Variants in KCNB2 observed in about 807,000 individuals in gnomAD.
KCNB2 encodes the protein delayed rectifier potassium channel protein.
In KCNB2, 15 loss-of-function variants were observed where a neutral mutation model predicts 61.5. The observed-to-expected ratio is 0.24, with a 90% CI of 0.16 to 0.38. The LOEUF (loss-of-function observed/expected upper bound fraction) is 0.38. Ranked by LOEUF, KCNB2 falls within the 10% of genes least tolerant of loss-of-function variation. The pLI, the probability that KCNB2 is intolerant of heterozygous loss-of-function variation, is 1.00. For synonymous variants in KCNB2, 457 were observed against 446.0 expected (o/e 1.02, Z -0.31); for missense variants, 828 against 1,125.2 (o/e 0.74, Z 3.78).
chr8:72,886,504 C>T (rs1384613870), intron 2 of KCNB2, among the ~76,000 whole-genome samples: 4 of 152,202 alleles, frequency 2.6e-5, no homozygotes, highest in Admixed American at 2.0e-4. Flanking sequence ...TCTGTCTCCC[C>T]CAAGGAGTTA....
At chr8:72,855,650 A>G (rs545646103) in intron 2 of KCNB2, among the ~76,000 whole-genome samples, 1 of 152,254 alleles carries the variant, frequency 6.6e-6, no homozygotes, top group South Asian at 2.1e-4. Context: ...TTTTTTCTAT[A>G]TCTCCAAGGA....
intron 2 of KCNB2, among the ~76,000 whole-genome samples, chr8:72,746,836 C>G (rs950482050): frequency 6.6e-6 from 1 of 152,124 alleles, no homozygotes; most frequent in African/African-American, 2.4e-5. Context: ...AGTGAGTAGA[C>G]CAACCATCCA....
intron 2 of KCNB2, among the ~76,000 whole-genome samples, chr8:72,740,320 G>A (rs1391249818): frequency 6.6e-6 from 1 of 152,104 alleles, no homozygotes; most frequent in African/African-American, 2.4e-5. Context: ...TATGGCTAGG[G>A]GATATAAACA....
intron 2 of KCNB2, among the ~76,000 whole-genome samples, chr8:72,872,434 A>T (rs1489118047): frequency 6.6e-6 from 1 of 151,926 alleles, no homozygotes; most frequent in Non-Finnish European, 1.5e-5. Flanking sequence ...CTTCCCCATC[A>T]CTTCTAATGT....
chr8:72,721,401 T>C (rs1409028528), intron 2 of KCNB2, among the ~76,000 whole-genome samples: 1 of 152,268 alleles, frequency 6.6e-6, no homozygotes, highest in Non-Finnish European at 1.5e-5. Context: ...ACCTCTTCTC[T>C]TTATTCCAGC....
At chr8:72,630,663 A>G (rs769292254) in intron 2 of KCNB2, among the ~76,000 whole-genome samples, 2 of 152,192 alleles carry the variant, frequency 1.3e-5, no homozygotes, top group Non-Finnish European at 2.9e-5. Context: ...TGACCTTACT[A>G]ATACTGATTT....
In KCNB2 at chr8:72,820,845, C is replaced by T. The variant is rs1809485696; in HGVS notation, c.580-115090C>T. 2.0e-5 allele frequency among the ~76,000 whole-genome samples: 3 copies of T among 152,144 alleles called. No homozygotes were observed. The South Asian group carries it at 6.2e-4, about 31-fold the overall frequency. On this transcript the variant is annotated intron_variant, in intron 2 of 2. Coordinates refer to ENST00000523207, the MANE Select transcript of KCNB2 (RefSeq NM_004770.3). Reference sequence around the variant, plus strand: ...TCATTCAGACAGAATCATCCTATTTCCATAAGTTCACTGGTTCTGCTAGTG... The same window carrying T: ...TCATTCAGACAGAATCATCCTATTTTCATAAGTTCACTGGTTCTGCTAGTG...
chr8:72,839,512 G>A (rs993859675), intron 2 of KCNB2, among the ~76,000 whole-genome samples: 2 of 151,354 alleles, frequency 1.3e-5, no homozygotes, highest in African/African-American at 2.4e-5. Context: ...ATTCCTACAG[G>A]TGCTATAGAA....
At chr8:72,557,055 A>T (rs540701164) in intron 1 of KCNB2, among the ~76,000 whole-genome samples, 53 of 152,226 alleles carry the variant, frequency 3.5e-4, no homozygotes, top group African/African-American at 1.2e-3. Context: ...CCCTGCTCTC[A>T]TGACCTAATC....
At chr8:72,606,425 G>A (rs1450685424) in intron 2 of KCNB2, among the ~76,000 whole-genome samples, 2 of 152,152 alleles carry the variant, frequency 1.3e-5, no homozygotes, top group African/African-American at 4.8e-5. Flanking sequence ...TTAAAAATGG[G>A]AAATGCATCA....
chr8:72,713,437 G>A (rs564828853), intron 2 of KCNB2, among the ~76,000 whole-genome samples: 128 of 152,218 alleles, frequency 8.4e-4, no homozygotes, highest in Non-Finnish European at 1.5e-3. Flanking sequence ...CACCTCACAC[G>A]GCCAGGTACT....
In KCNB2 at chr8:72,667,617, A is replaced by G. The variant is rs189764207; in HGVS notation, c.579+99304A>G. 4.6e-4 allele frequency among the ~76,000 whole-genome samples: 70 copies of G among 152,054 alleles called. 1 individual carries two copies. The highest frequency in any genetic ancestry group is 2.1e-3 in the Admixed American group (32 of 15,260). On this transcript the variant is annotated intron_variant, in intron 2 of 2. Transcript: ENST00000523207. ...CCCACTACCAAATTCTGCTTCCTCCATATCAGTATATATCTCAGATCTGCC... is the reference window on the plus strand; with the variant it reads ...CCCACTACCAAATTCTGCTTCCTCCGTATCAGTATATATCTCAGATCTGCC...
chr8:72,891,764 G>T (rs1477851481), intron 2 of KCNB2, among the ~76,000 whole-genome samples: 1 of 152,128 alleles, frequency 6.6e-6, no homozygotes, highest in African/African-American at 2.4e-5. Context: ...GATGCTTCAG[G>T]CTAATCTAAA....
Position 72,540,191 on chromosome 8 carries a change from T to A in KCNB2, c.-94+2306T>A, listed in dbSNP as rs1489803129. On this transcript the variant is annotated intron_variant, in intron 1 of 2. Coordinates refer to ENST00000523207, the MANE Select transcript of KCNB2 (RefSeq NM_004770.3). ...ATCTAGGAAACCTATAAGATATATT[T>A]CATTCTGCCCTAATGCATTTTTTTC... 3.3e-5 allele frequency among the ~76,000 whole-genome samples: 5 copies of A among 152,212 alleles called. No individual in the cohort carries two copies. In the East Asian group the frequency reaches 9.6e-4, roughly 29 times the overall value.
intron 2 of KCNB2, among the ~76,000 whole-genome samples, chr8:72,659,965 G>A (rs1806352972): frequency 6.6e-6 from 1 of 152,140 alleles, no homozygotes; most frequent in Non-Finnish European, 1.5e-5. Context: ...AACCTGCAAT[G>A]TCTCCAAGGT....
In KCNB2 at chr8:72,568,145, C is replaced by T; in HGVS notation, c.411C>T (p.Cys137=). ...ATGAGATCTACTTGGAGTCCTGCTG[C>T]CAGGCCAGATATCATCAAAAAAAAG... ...GIDEIYLESC[C]QARYHQKKEQ... is the part of the protein sequence containing the mutation. The change falls in exon 2 of 3, where the codon TGC becomes TGT. Residue 137 remains cysteine, a synonymous_variant. Coordinates refer to ENST00000523207, the MANE Select transcript of KCNB2 (RefSeq NM_004770.3). The T allele has an allele frequency of 1.2e-6, 2 of 1,613,980 alleles. No individual in the cohort carries two copies. The highest frequency in any genetic ancestry group is 8.5e-7 in the Non-Finnish European group (1 of 1,180,004).
intron 2 of KCNB2, among the ~76,000 whole-genome samples, chr8:72,791,319 T>C (rs968029322): frequency 1.3e-5 from 2 of 151,870 alleles, no homozygotes; most frequent in Non-Finnish European, 2.9e-5. Context: ...CGGGACCAAG[T>C]TAGGTGGATC....
At chr8:72,832,356 C>G (rs1261369666) in intron 2 of KCNB2, among the ~76,000 whole-genome samples, 1 of 152,004 alleles carries the variant, frequency 6.6e-6, no homozygotes, top group African/African-American at 2.4e-5. Flanking sequence ...ATTCCCTGAA[C>G]TTAGTAATTA....
chr8:72,637,649 C>A (rs1283155083), intron 2 of KCNB2, among the ~76,000 whole-genome samples: 1 of 152,132 alleles, frequency 6.6e-6, no homozygotes, highest in African/African-American at 2.4e-5. Context: ...AAAGCTAATT[C>A]TTGGAATCCT....
Sources: allele counts gnomAD v4.1 joint callset (sites outside exome capture counted in the v4.1 genomes callset), GRCh38; gene constraint gnomAD v4.1.1; transcripts MANE v1.5; gene names NCBI Gene and HGNC (gene_info 2026-07-23, HGNC 2026-07-21).